Variants in USP36 observed in about 807,000 individuals in gnomAD.
The protein encoded by USP36 is ubiquitin specific peptidase 36, also known as ubiquitin carboxyl-terminal hydrolase 36.
In USP36, 59 loss-of-function variants were observed where a neutral mutation model predicts 111.5. The observed-to-expected ratio is 0.53, with a 90% CI of 0.43 to 0.66. The LOEUF (loss-of-function observed/expected upper bound fraction) is 0.66, where lower values mean the gene tolerates loss of function less well. USP36 is among the 30% of genes least tolerant of loss of function. USP36 has a pLI of 0.00. For synonymous variants in USP36, 628 were observed against 581.0 expected, an observed-to-expected ratio of 1.08 and a Z score of -1.16; for missense variants, 1,488 against 1,468.0, an observed-to-expected ratio of 1.01 and a Z score of -0.22.
intron 4 of USP36, among the ~76,000 whole-genome samples, chr17:78,832,251 C>T (rs1264583736): frequency 2.0e-5 from 3 of 152,202 alleles, no homozygotes; most frequent in Admixed American, 6.5e-5. Flanking sequence ...GGAGCTGCTG[C>T]TCCGTGCCAC....
chr17:78,803,868 C>T lies in USP36; in HGVS notation c.2327G>A (p.Ser776Asn). ...CAGCGCCGTCGAGATGGAGGAGCAGCTCCGTGGTTCTGACGTCCCTGGGGG... is the reference window on the plus strand; with the variant it reads ...CAGCGCCGTCGAGATGGAGGAGCAGTTCCGTGGTTCTGACGTCCCTGGGGG... ...PKPPGTSEPR[S>N]CSSISTALPQ... The change falls in exon 16 of 21, where the codon AGC becomes AAC. Residue 776 changes from serine to asparagine, a missense_variant. Around this residue, in one of 3 missense-constraint regions of USP36, gnomAD observed 1,073 missense variants for 994.1 expected, o/e 1.08. Coordinates refer to ENST00000449938, the MANE Select transcript of USP36 (RefSeq NM_001385174.1). The surrounding 1 kb of genome is among the most constrained non-coding windows in gnomAD (Gnocchi z 4.6). The T allele has an allele frequency of 6.2e-7, 1 of 1,611,298 alleles. No individual in the cohort carries two copies. Among genetic ancestry groups the T allele is most frequent in the South Asian group, 1.1e-5 (1 of 91,034 alleles).
chr17:78,836,521 A>G, intron 2 of USP36, 149 bp from the exon 3 acceptor site: 1 of 1,032,320 alleles, frequency 9.7e-7, no homozygotes. Flanking sequence ...TGCACAAAGG[A>G]AACAGGGAGA....
At chr17:78,793,794 C>G (rs1290920305), downstream of USP36, among the ~76,000 whole-genome samples, 1 of 152,142 alleles carries the variant, frequency 6.6e-6, no homozygotes, top group Non-Finnish European at 1.5e-5. Context: ...TAGGGATAAA[C>G]AGATGCCCAC....
In USP36 at chr17:78,803,726, C is replaced by T. The variant is rs9911674; in HGVS notation, c.2469G>A (p.Leu823=). 1,403 of 1,612,138 alleles carry T rather than the reference C, an allele frequency of 8.7e-4. 7 individuals are homozygous for T. In the African/African-American group the frequency reaches 0.016, roughly 18 times the overall value. ...GCTGTGGGAGGCGCGTCTCTGAGCCCAGCCTCTGCGGCTCTCCCACAAAGG... is the reference window on the plus strand; with the variant it reads ...GCTGTGGGAGGCGCGTCTCTGAGCCTAGCCTCTGCGGCTCTCCCACAAAGG... The part of the protein sequence containing the change: ...KKTFVGEPQR[L]GSETRLPQHI... Residue 823 remains leucine, a synonymous_variant, in exon 16 of 21, where the codon CTG becomes CTA. Transcript: ENST00000449938. This position sits in a 1 kb window ranked among gnomAD's most constrained non-coding sequence, Gnocchi z 4.6.
intron 1 of USP36, 74 bp from the exon 2 acceptor site, chr17:78,838,824 T>G (rs73393129): frequency 0.053 from 8,062 of 152,210 alleles, 670 homozygotes; most frequent in African/African-American, 0.18. Flanking sequence ...TTCCCAGGGA[T>G]GCGGCGCGCA....
At chr17:78,825,948 C>T (rs190578429) in intron 6 of USP36, among the ~76,000 whole-genome samples, 120 of 152,296 alleles carry the variant, frequency 7.9e-4, no homozygotes, top group Non-Finnish European at 1.3e-3. Flanking sequence ...ACATTGCAAA[C>T]GCTGCTGGGG....
chr17:78,838,264 G>A (rs773321576), intron 2 of USP36, among the ~76,000 whole-genome samples: 2 of 151,198 alleles, frequency 1.3e-5, no homozygotes, highest in Admixed American at 6.6e-5. Context: ...TCCCAGCTAC[G>A]CAGGAGGCTG....
intron 10 of USP36, among the ~76,000 whole-genome samples, 171 bp downstream of exon 10, chr17:78,818,496 G>C (rs2094240129): frequency 6.6e-6 from 1 of 152,196 alleles, no homozygotes; most frequent in Non-Finnish European, 1.5e-5. Context: ...TCCCGTCCTG[G>C]ACAAGGGCGA....
intron 10 of USP36, among the ~76,000 whole-genome samples, chr17:78,817,906 T>A (rs746446650): frequency 3.9e-5 from 6 of 151,956 alleles, no homozygotes; most frequent in Non-Finnish European, 7.4e-5. Flanking sequence ...CACAGCAAGA[T>A]GCTGTCTCTA....
Position 78,807,608 on chromosome 17 carries a change from G to A in USP36, c.1436C>T (p.Pro479Leu), listed in dbSNP as rs140328430. 4.2e-3 allele frequency: 6,529 copies of A among 1,542,120 alleles called. 27 individuals carry two copies. The highest frequency in any genetic ancestry group is 4.5e-3 in the Non-Finnish European group (5,156 of 1,145,230). Residue 479 changes from proline to leucine, a missense_variant, in exon 14 of 21, where the codon CCG becomes CTG. By Grantham distance (98) the Pro-to-Leu change is moderately conservative. Around this residue, in one of 3 missense-constraint regions of USP36, gnomAD observed 1,073 missense variants for 994.1 expected, o/e 1.08. Coordinates refer to ENST00000449938, the MANE Select transcript of USP36 (RefSeq NM_001385174.1). ...CACACCAATCTCTTCAGTGGTGTGC[G>A]GCTTCTTCATCGTCCCAGAGTCTTG... is the stretch of plus-strand genomic sequence containing the variant. ...KRQDSGTMKKPHTTEEIGVPI... is the reference protein window; with the variant it reads ...KRQDSGTMKKLHTTEEIGVPI...
chr17:78,840,983 TC>T (rs2069243941), upstream of USP36: 5 of 152,110 alleles, frequency 3.3e-5, no homozygotes, highest in South Asian at 2.1e-4. Flanking sequence ...CTACGTCACC[TC>T]CCCATCACGG....
At chr17:78,805,095 G>A (rs1567918831) in intron 15 of USP36, among the ~76,000 whole-genome samples, 1 of 152,096 alleles carries the variant, frequency 6.6e-6, no homozygotes, top group Non-Finnish European at 1.5e-5. Context: ...GTGTCTCTAG[G>A]AAAATTAACT....
intron 13 of USP36, among the ~76,000 whole-genome samples, chr17:78,808,239 A>G (rs2093962423): frequency 8.9e-6 from 1 of 112,860 alleles, no homozygotes; most frequent in Admixed American, 8.3e-5. Flanking sequence ...TTTATGGGCG[A>G]TAACTCTCAA....
Position 78,813,113 on chromosome 17 carries a change from C to G in USP36, c.1266-112G>C, listed in dbSNP as rs912917680. On this transcript the variant is annotated intron_variant, in intron 12 of 20. Coordinates refer to ENST00000449938, the MANE Select transcript of USP36 (RefSeq NM_001385174.1). ...GGCAGAAACACGGCCTGGGGAAACC[C>G]TGCCAGTCCTAACCACTTCTCTGGA... 4.4e-6 allele frequency: 6 copies of G among 1,371,462 alleles called. No homozygotes were observed. The East Asian group carries it at 7.0e-5, about 16-fold the overall frequency. 85.0% of individuals were successfully genotyped at this position (1,371,462 alleles called of 1,614,324 possible).
chr17:78,800,333 G>A (rs971479828), intron 17 of USP36, among the ~76,000 whole-genome samples: 2 of 152,126 alleles, frequency 1.3e-5, no homozygotes, highest in Non-Finnish European at 2.9e-5. Context: ...TCAGGGGCCC[G>A]ACCTCCTAAG....
At chr17:78,791,024 A>G (rs558461981), downstream of USP36, among the ~76,000 whole-genome samples, 1 of 152,160 alleles carries the variant, frequency 6.6e-6, no homozygotes, top group African/African-American at 2.4e-5. Flanking sequence ...GACAATCATG[A>G]TAATTTGAAT....
At chr17:78,812,718 A>AAT in intron 13 of USP36, 142 bp downstream of exon 13, 1 of 739,188 alleles carries the variant, frequency 1.4e-6, no homozygotes, top group Non-Finnish European at 1.9e-6. Context: ...AAAAAAAAAA[A>AAT]GAAAAGAAAA....
chr17:78,829,382 A>G (rs1212503346), intron 4 of USP36, among the ~76,000 whole-genome samples: 1 of 152,236 alleles, frequency 6.6e-6, no homozygotes, highest in Non-Finnish European at 1.5e-5. Context: ...GTATTCTCGA[A>G]TTTCTAAGCT....
At chr17:78,790,092 CTTT>C (rs113006106) in intron 3 of USP36, among the ~76,000 whole-genome samples, 1 of 145,712 alleles carries the variant, frequency 6.9e-6, no homozygotes. Context: ...AGAATAATAC[CTTT>C]TTTTTTTTTT....
Sources: gnomAD v4.1 joint callset for allele counts (sites outside exome capture counted in the v4.1 genomes callset) on GRCh38, gnomAD v4.1.1 for gene constraint, gnomAD v4.1.1 regional missense constraint, Gnocchi (gnomAD v3.1) non-coding constraint, MANE v1.5 for transcripts, NCBI Gene and HGNC (gene_info 2026-07-23, HGNC 2026-07-21) for gene names.